Variants in PTGER3 observed in about 807,000 individuals in gnomAD.
PTGER3 encodes the protein prostaglandin E2 receptor EP3 subtype.
A neutral mutation model predicts 34.7 loss-of-function variants in PTGER3; 22 were observed. That is an observed-to-expected ratio of 0.63 (90% CI 0.45 to 0.91). The LOEUF is 0.91. Among genes scored for constraint, PTGER3 ranks in the 40% least tolerant of loss-of-function variants. The pLI is 0.00. For missense variants in PTGER3, 468 were observed against 519.4 expected, an observed-to-expected ratio of 0.90 and a Z score of 0.96; for synonymous variants, 241 against 230.1, an observed-to-expected ratio of 1.05 and a Z score of -0.43.
chr1:70,907,503 G>A (rs1354757694), intron 4 of PTGER3, among the ~76,000 whole-genome samples: 1 of 152,254 alleles, frequency 6.6e-6, no homozygotes, highest in Non-Finnish European at 1.5e-5. Context: ...TACTGGACTA[G>A]TGGAAATTGA....
At chr1:70,980,210 G>A (rs780406598) in intron 2 of PTGER3, among the ~76,000 whole-genome samples, 4 of 152,112 alleles carry the variant, frequency 2.6e-5, no homozygotes, top group East Asian at 1.9e-4. Context: ...GATTGGATAG[G>A]GGTGGATGGG....
At chr1:70,932,827 T>C (rs1648844095) in intron 4 of PTGER3, among the ~76,000 whole-genome samples, 1 of 152,142 alleles carries the variant, frequency 6.6e-6, no homozygotes, top group African/African-American at 2.4e-5. Flanking sequence ...TGCTGAATTC[T>C]ACCCTTCCTC....
chr1:70,986,738 C>G (rs1654953438), intron 2 of PTGER3, among the ~76,000 whole-genome samples: 1 of 152,200 alleles, frequency 6.6e-6, no homozygotes, highest in Non-Finnish European at 1.5e-5. Flanking sequence ...GGTATGTGAG[C>G]TTTCTCCTTC....
chr1:70,988,872 A>G (rs567466160), intron 2 of PTGER3, among the ~76,000 whole-genome samples: 1 of 152,354 alleles, frequency 6.6e-6, no homozygotes, highest in African/African-American at 2.4e-5. Context: ...AGCCACACTT[A>G]TAAAGGAAAC....
At chr1:71,017,850 C>T (rs765127227) in intron 1 of PTGER3, among the ~76,000 whole-genome samples, 1 of 152,174 alleles carries the variant, frequency 6.6e-6, no homozygotes, top group Non-Finnish European at 1.5e-5. Context: ...CTGCAACCTT[C>T]ACTTCCTGTG....
intron 2 of PTGER3, among the ~76,000 whole-genome samples, chr1:70,980,598 T>C (rs539502299): frequency 1.3e-5 from 2 of 152,044 alleles, no homozygotes; most frequent in Admixed American, 6.6e-5. Flanking sequence ...ATGGCACCAA[T>C]GCACTCCAGC....
At chr1:70,852,847 C>A (rs1645711399) in exon 5 of PTGER3, 1 of 1,613,132 alleles carries the variant, frequency 6.2e-7, no homozygotes, top group African/African-American at 1.3e-5. Flanking sequence ...TTTTAATTTC[C>A]CCAAAATTCC....
chr1:71,011,418 A>G (rs779055284), intron 2 of PTGER3: 67 of 985,160 alleles, frequency 6.8e-5, no homozygotes, highest in African/African-American at 8.7e-5. Flanking sequence ...TATTCAGAGT[A>G]CCTATAGTTA....
At chr1:70,976,013 A>C (rs1255869415) in intron 2 of PTGER3, among the ~76,000 whole-genome samples, 2 of 152,088 alleles carry the variant, frequency 1.3e-5, no homozygotes, top group African/African-American at 2.4e-5. Context: ...AACTAAGGAA[A>C]TGCCCTTGGG....
chr1:70,854,313 C>G (rs935971070), intron 4 of PTGER3, among the ~76,000 whole-genome samples: 1 of 152,084 alleles, frequency 6.6e-6, no homozygotes, highest in Non-Finnish European at 1.5e-5. Context: ...GTAAAATCCT[C>G]AAAGTGGTAT....
chr1:70,945,029 T>C (rs1157872377), intron 4 of PTGER3, among the ~76,000 whole-genome samples: 2 of 152,148 alleles, frequency 1.3e-5, no homozygotes, highest in African/African-American at 4.8e-5. Flanking sequence ...TACTGTAATC[T>C]GTTGGGGAGC....
intron 4 of PTGER3, among the ~76,000 whole-genome samples, chr1:70,865,024 C>T (rs989184548): frequency 6.6e-6 from 1 of 151,960 alleles, no homozygotes; most frequent in African/African-American, 2.4e-5. Flanking sequence ...GGGGACGTGA[C>T]AGTGTCATGT....
chr1:71,013,170 C>T (rs567958315), intron 1 of PTGER3, among the ~76,000 whole-genome samples: 1 of 152,072 alleles, frequency 6.6e-6, no homozygotes, highest in Non-Finnish European at 1.5e-5. Flanking sequence ...TATTTTTTCC[C>T]CAAGTGCCTA....
rs1032781756 is a variant in PTGER3 at position 71,035,162 on chromosome 1, G to A, written c.897+11519C>T. Among the ~76,000 whole-genome samples, 15 of 152,126 alleles carry A rather than the reference G, an allele frequency of 9.9e-5. No individual in the cohort carries two copies. The East Asian group carries it at 1.7e-3, about 18-fold the overall frequency. On this transcript the variant is annotated intron_variant, in intron 1 of 3. Transcript: ENST00000306666. ...TATTAGATGAGTTGTTTTCCTAAAC[G>A]AGGTTTGTGAATTCAGGTTTTATAA...
Position 71,046,729 on chromosome 1 carries a change from C to A in PTGER3, c.849G>T (p.Gln283His). ...ACAGCACGCACATGATCCCCATAAG[C>A]TGAATGGCCGTCTCGGTCGTGATGC... Reference protein sequence around the residue: ...WGRITTETAIQLMGIMCVLSV... With the variant: ...WGRITTETAIHLMGIMCVLSV... Residue 283 changes from glutamine to histidine, a missense_variant, in exon 1 of 4, where the codon CAG becomes CAT. Gln to His is a conservative substitution (Grantham distance 24, BLOSUM62 0). Transcript: ENST00000306666. The A allele has an allele frequency of 6.2e-7, 1 of 1,609,502 alleles. No homozygotes were observed. The highest frequency in any genetic ancestry group is 2.2e-5 in the East Asian group (1 of 44,802).
At chr1:70,997,997 C>T (rs1463653935) in intron 2 of PTGER3, among the ~76,000 whole-genome samples, 1 of 152,212 alleles carries the variant, frequency 6.6e-6, no homozygotes, top group African/African-American at 2.4e-5. Flanking sequence ...TGCTTAAGGT[C>T]AGCCCTGCCA....
intron 2 of PTGER3, among the ~76,000 whole-genome samples, chr1:70,984,036 G>C (rs573460557): frequency 6.6e-6 from 1 of 152,106 alleles, no homozygotes; most frequent in Non-Finnish European, 1.5e-5. Flanking sequence ...GTTCTGTATG[G>C]TTTAGCTGTT....
chr1:70,853,682 T>C (rs1455312146), intron 4 of PTGER3, among the ~76,000 whole-genome samples: 2 of 152,158 alleles, frequency 1.3e-5, no homozygotes, highest in South Asian at 2.1e-4. Flanking sequence ...TGAAAAATAC[T>C]TCAAATAAGA....
chr1:70,990,039 T>C (rs1268030164), intron 2 of PTGER3, among the ~76,000 whole-genome samples: 1 of 152,086 alleles, frequency 6.6e-6, no homozygotes, highest in Admixed American at 6.6e-5. Context: ...CATGTATGTA[T>C]GTGTACATAT....
Sources: gnomAD v4.1 joint callset for allele counts (sites outside exome capture counted in the v4.1 genomes callset) on GRCh38, gnomAD v4.1.1 for gene constraint, MANE v1.5 for transcripts, NCBI Gene and HGNC (gene_info 2026-07-23, HGNC 2026-07-21) for gene names.